The following TRPM3 variants were observed in gnomAD, a reference collection of about 807,000 sequenced individuals.
The protein encoded by TRPM3 is transient receptor potential cation channel subfamily M member 3, also known as long transient receptor potential channel 3.
Under a neutral mutation model 181.2 loss-of-function variants are expected in TRPM3, and 77 were observed. The ratio of observed to expected loss-of-function variants is 0.42; its 90% CI spans 0.35 to 0.51. TRPM3 has a LOEUF of 0.51. Among genes scored for constraint, TRPM3 ranks in the 20% least tolerant of loss-of-function variants. TRPM3 has a pLI of 0.01. For missense variants in TRPM3, 1,759 were observed against 2,196.7 expected (o/e 0.80, Z 3.98); for synonymous variants, 745 against 796.4 (o/e 0.94, Z 1.09).
chr9:71,024,027 G>A (rs73478191), intron 1 of TRPM3, among the ~76,000 whole-genome samples: 8,053 of 152,198 alleles, frequency 0.053, 741 homozygotes, highest in African/African-American at 0.18. Flanking sequence ...GTGGTGGATT[G>A]TACAATGTCA....
At chr9:71,211,709 C>A in intron 1 of TRPM3, among the ~76,000 whole-genome samples, 1 of 152,128 alleles carries the variant, frequency 6.6e-6, no homozygotes, top group Non-Finnish European at 1.5e-5. Flanking sequence ...ATGACATTCT[C>A]CCTATATGTG....
At chr9:70,656,929 T>G (rs905434670) in intron 9 of TRPM3, among the ~76,000 whole-genome samples, 3 of 110,018 alleles carry the variant, frequency 2.7e-5, no homozygotes, top group Non-Finnish European at 5.8e-5. Context: ...AAAAAAAGTG[T>G]TTTTTTTTTG....
chr9:71,126,313 C>A (rs1017741659), upstream of TRPM3, among the ~76,000 whole-genome samples: 1 of 152,158 alleles, frequency 6.6e-6, no homozygotes. Flanking sequence ...TTGTGGAAGA[C>A]AATGTGGCGC....
At chr9:71,414,864 G>A (rs909221857) in intron 1 of TRPM3, among the ~76,000 whole-genome samples, 1 of 152,054 alleles carries the variant, frequency 6.6e-6, no homozygotes. Context: ...GACAGGAAAA[G>A]AGCAATAAAT....
intron 1 of TRPM3, among the ~76,000 whole-genome samples, chr9:71,352,637 C>T (rs1175485570): frequency 6.6e-6 from 1 of 152,142 alleles, no homozygotes; most frequent in African/African-American, 2.4e-5. Flanking sequence ...CAGCTTTTTG[C>T]CACAAGTCTT....
At chr9:71,237,297 T>C (rs2081415563) in intron 1 of TRPM3, among the ~76,000 whole-genome samples, 1 of 152,186 alleles carries the variant, frequency 6.6e-6, no homozygotes, top group Non-Finnish European at 1.5e-5. Context: ...AATGAAATGA[T>C]GATACTATGA....
chr9:71,367,733 G>A (rs537387587), intron 1 of TRPM3, among the ~76,000 whole-genome samples: 1 of 152,202 alleles, frequency 6.6e-6, no homozygotes, highest in African/African-American at 2.4e-5. Context: ...AGAGAACAAG[G>A]TATGAGGAAT....
intron 1 of TRPM3, among the ~76,000 whole-genome samples, chr9:70,867,506 T>A (rs1402758061): frequency 2.6e-5 from 4 of 152,100 alleles, no homozygotes; most frequent in Non-Finnish European, 5.9e-5. Context: ...AAACGCTACA[T>A]CATTGTTAGC....
intron 1 of TRPM3, among the ~76,000 whole-genome samples, chr9:71,439,549 T>C (rs2094103248): frequency 6.6e-6 from 1 of 152,206 alleles, no homozygotes; most frequent in Non-Finnish European, 1.5e-5. Flanking sequence ...CTAATTTGAA[T>C]GTTAATACAG....
chr9:70,672,937 G>T (rs116301170), intron 9 of TRPM3, among the ~76,000 whole-genome samples: 203 of 152,182 alleles, frequency 1.3e-3, no homozygotes, highest in African/African-American at 4.7e-3. Flanking sequence ...CTGTTAATTA[G>T]TCGAGATCCC....
At position 70,963,219 on chromosome 9, in the gene TRPM3, T is replaced by C. The variant is rs148097318; in HGVS notation, c.178-98708A>G. Among the ~76,000 whole-genome samples, 635 of 152,320 alleles carry C rather than the reference T, an allele frequency of 4.2e-3. 2 individuals are homozygous for C. Among genetic ancestry groups the C allele is most frequent in the African/African-American group, 0.014 (601 of 41,578 alleles). On this transcript the variant is annotated intron_variant, in intron 1 of 25. Transcript: ENST00000677713. ...ACAACTGGGAAGGATAAAAGAGTCA[T>C]CTTTTCTGGCAACTGGCTGGAAGCC...
chr9:70,906,501 T>G (rs2096466298), intron 1 of TRPM3, among the ~76,000 whole-genome samples: 1 of 151,836 alleles, frequency 6.6e-6, no homozygotes, highest in African/African-American at 2.4e-5. Context: ...ATGCCAAGAG[T>G]GTTTTGGGAG....
chr9:70,668,433 G>A (rs1335085955), intron 9 of TRPM3, among the ~76,000 whole-genome samples: 3 of 152,114 alleles, frequency 2.0e-5, no homozygotes, highest in Non-Finnish European at 2.9e-5. Flanking sequence ...GGGAGGCCGA[G>A]GCGGGCGGAT....
At chr9:71,367,198 G>C (rs2092362656) in intron 1 of TRPM3, among the ~76,000 whole-genome samples, 1 of 152,136 alleles carries the variant, frequency 6.6e-6, no homozygotes, top group Admixed American at 6.5e-5. Flanking sequence ...AGGACATTTT[G>C]AAAAGAATGT....
intron 1 of TRPM3, among the ~76,000 whole-genome samples, chr9:71,195,791 G>GATC (rs1245838475): frequency 1.3e-5 from 2 of 152,008 alleles, no homozygotes; most frequent in African/African-American, 4.8e-5. Flanking sequence ...AAAAGAATGA[G>GATC]ATCATGTCCT....
At chr9:71,369,262 G>GA (rs1265348410) in intron 1 of TRPM3, among the ~76,000 whole-genome samples, 1 of 151,952 alleles carries the variant, frequency 6.6e-6, no homozygotes, top group East Asian at 1.9e-4. Context: ...TGATGGAGGA[G>GA]AAAAAAGAGG....
chr9:71,395,107 T>C (rs2093159187), intron 1 of TRPM3, among the ~76,000 whole-genome samples: 1 of 152,204 alleles, frequency 6.6e-6, no homozygotes, highest in Non-Finnish European at 1.5e-5. Flanking sequence ...AAAATGCCAA[T>C]AGCACCTCTG....
At chr9:71,351,150 T>C (rs1219307365) in intron 1 of TRPM3, among the ~76,000 whole-genome samples, 1 of 152,206 alleles carries the variant, frequency 6.6e-6, no homozygotes, top group Non-Finnish European at 1.5e-5. Flanking sequence ...ATTTTTCTTG[T>C]AGATTGTTGT....
intron 1 of TRPM3, among the ~76,000 whole-genome samples, chr9:71,189,514 T>C (rs529780558): frequency 2.0e-5 from 3 of 151,872 alleles, no homozygotes; most frequent in Non-Finnish European, 2.9e-5. Context: ...ATTATTTGCA[T>C]GCTGAAACTA....
Sources: gnomAD v4.1 joint callset for allele counts (sites outside exome capture counted in the v4.1 genomes callset) on GRCh38, gnomAD v4.1.1 for gene constraint, MANE v1.5 for transcripts, NCBI Gene and HGNC (gene_info 2026-07-23, HGNC 2026-07-21) for gene names.